KLHL15: variants seen among roughly 807,000 people sequenced by gnomAD.
KLHL15 encodes kelch-like protein 15.
A neutral mutation model predicts 29.3 loss-of-function variants in KLHL15; 1 was observed. The observed-to-expected ratio is 0.03, with a 90% CI of 0.01 to 0.16. The LOEUF is 0.16. KLHL15 is among the 10% of genes least tolerant of loss of function. The probability of loss-of-function intolerance (pLI) is 1.00; values close to 1 mark genes in which losing one functional copy is unlikely to be tolerated. For synonymous variants in KLHL15, 212 were observed against 184.5 expected, an observed-to-expected ratio of 1.15 and a Z score of -1.21; for missense variants, 215 against 478.5, an observed-to-expected ratio of 0.45 and a Z score of 5.14.
In KLHL15 at chrX:23,988,590, G is replaced by A. The variant is rs199733303; in HGVS notation, c.1146C>T (p.Tyr382=). The A allele has an allele frequency of 1.7e-5, 21 of 1,209,500 alleles. No homozygotes were observed. Among genetic ancestry groups the A allele is most frequent in the African/African-American group, 1.6e-4 (9 of 57,244 alleles). ...CATCTCTGGTTCTGCCTGCTACGGC[G>A]TAAATAAACTTCCCAATAACACCTA... ...FAVGVIGKFI[Y]AVAGRTRDET... The change falls in exon 4 of 4, where the codon TAC becomes TAT. Residue 382 remains tyrosine (Y), a synonymous_variant. Transcript: ENST00000328046.
chrX:24,007,101 G>T (rs73625201), intron 2 of KLHL15, among the ~76,000 whole-genome samples: 172 of 110,915 alleles, frequency 1.6e-3, no homozygotes, highest in African/African-American at 5.4e-3. Context: ...GGCTGAGGTG[G>T]GAGATTCCCT....
chrX:24,001,862 G>A (rs372015914), intron 3 of KLHL15, among the ~76,000 whole-genome samples: 19 of 105,158 alleles, frequency 1.8e-4, no homozygotes, highest in African/African-American at 6.2e-4. Context: ...GGTCGGGCGC[G>A]GTGGCTCACG....
intron 3 of KLHL15, among the ~76,000 whole-genome samples, 163 bp from the exon 4 acceptor site, chrX:23,989,193 C>CTT (rs780131307): frequency 6.9e-5 from 7 of 101,477 alleles, no homozygotes; most frequent in African/African-American, 1.8e-4. Context: ...TTTAAAAAAT[C>CTT]TTTTTTTTTT....
intron 1 of KLHL15, among the ~76,000 whole-genome samples, chrX:24,026,357 C>A (rs1929933756): frequency 8.9e-6 from 1 of 112,251 alleles, no homozygotes; most frequent in Non-Finnish European, 1.9e-5. Flanking sequence ...TTATAGAATT[C>A]TAGCTAGTAC....
intron 2 of KLHL15, among the ~76,000 whole-genome samples, chrX:24,008,895 A>AAC (rs1929515345): frequency 9.0e-6 from 1 of 110,576 alleles, no homozygotes; most frequent in African/African-American, 3.3e-5. Context: ...AAAACAAAAA[A>AAC]AAAACTTTTA....
chrX:24,024,659 C>T (rs1194776948), intron 2 of KLHL15, among the ~76,000 whole-genome samples, 198 bp downstream of exon 2: 1 of 113,264 alleles, frequency 8.8e-6, no homozygotes, highest in Non-Finnish European at 1.9e-5. Context: ...ATGCTTCTTC[C>T]TTTTTCTTTC....
Position 23,988,308 on chromosome X carries a change from G to A in KLHL15, c.1428C>T (p.Tyr476=), listed in dbSNP as rs752100343. 6.7e-5 allele frequency: 81 copies of A among 1,209,319 alleles called. No individual in the cohort carries two copies. Among genetic ancestry groups the A allele is most frequent in the Non-Finnish European group, 8.5e-5 (76 of 895,069 alleles). ...NCWENKSKMN[Y]ARCFHKMISY... ...AAATCATCTTGTGAAAGCATCTCGC[G>A]TAATTCATCTTGCTCTTATTCTCCC... is the stretch of plus-strand genomic sequence containing the variant. Residue 476 remains tyrosine (Y), a synonymous_variant, in exon 4 of 4, where the codon TAC becomes TAT. Coordinates refer to ENST00000328046, the MANE Select transcript of KLHL15 (RefSeq NM_030624.3).
Position 24,012,157 on chromosome X carries a change from A to G in KLHL15, c.-7-5457T>C, listed in dbSNP as rs1929588396. 2.7e-5 allele frequency among the ~76,000 whole-genome samples: 3 copies of G among 112,492 alleles called. No individual in the cohort carries two copies. The South Asian group carries it at 1.1e-3, about 41-fold the overall frequency. On this transcript the variant is annotated intron_variant, in intron 2 of 3. Coordinates refer to ENST00000328046, the MANE Select transcript of KLHL15 (RefSeq NM_030624.3). The stretch of plus-strand genomic sequence containing the variant: ...ATGACAGAGGAAGACCCTGTCTCAA[A>G]AAAATAAAAAATAAAAAATGGTAGA...
chrX:23,992,193 G>C (rs1424076299), intron 3 of KLHL15, among the ~76,000 whole-genome samples: 2 of 111,929 alleles, frequency 1.8e-5, no homozygotes, highest in Non-Finnish European at 3.8e-5. Flanking sequence ...TGGGCACATA[G>C]CTCAATATCT....
chrX:23,994,138 A>G (rs1222830080), intron 3 of KLHL15, among the ~76,000 whole-genome samples: 2 of 111,510 alleles, frequency 1.8e-5, no homozygotes, highest in African/African-American at 3.3e-5. Context: ...AGTTATTATC[A>G]CTATACTATT....
intron 2 of KLHL15, among the ~76,000 whole-genome samples, chrX:24,022,635 G>A (rs1384217698): frequency 1.3e-5 from 1 of 75,521 alleles, no homozygotes; most frequent in Non-Finnish European, 2.3e-5. Context: ...CAAGACTCTT[G>A]TCTTAAAAAA....
intron 2 of KLHL15, among the ~76,000 whole-genome samples, chrX:24,016,315 G>A (rs1929679701): frequency 1.2e-5 from 1 of 86,873 alleles, no homozygotes; most frequent in African/African-American, 4.8e-5. Context: ...ACTCCAGCCT[G>A]GGCGACAGAG....
chrX:24,007,508 A>AATATAT lies in KLHL15; in HGVS notation c.-7-814_-7-809dup, dbSNP rs759758947. Among the ~76,000 whole-genome samples the AATATAT allele has an allele frequency of 6.8e-3, 245 of 35,862 alleles. 1 individual carries two copies. Among genetic ancestry groups the AATATAT allele is most frequent in the African/African-American group, 0.026 (177 of 6,735 alleles). 31.1% of individuals were successfully genotyped at this position (35,862 alleles called of 115,157 possible). On this transcript the variant is annotated intron_variant, in intron 2 of 3. Coordinates refer to ENST00000328046, the MANE Select transcript of KLHL15 (RefSeq NM_030624.3). ...CCCATTTCCAAAAAAAAAAAAAAAA[A>AATATAT]ATATATATATATATATATATATATA...
intron 1 of KLHL15, among the ~76,000 whole-genome samples, chrX:24,025,814 A>T (rs747015264): frequency 1.2e-3 from 129 of 110,264 alleles, no homozygotes; most frequent in African/African-American, 3.6e-3. Flanking sequence ...CACCGAGGAA[A>T]ACAGGCGGCC....
At chrX:24,001,411 T>C (rs770385291) in intron 3 of KLHL15, among the ~76,000 whole-genome samples, 4 of 111,634 alleles carry the variant, frequency 3.6e-5, no homozygotes, top group Non-Finnish European at 7.5e-5. Context: ...TACCCTGGGT[T>C]CAAAAATATT....
At chrX:24,019,574 T>C (rs1416832495) in intron 2 of KLHL15, among the ~76,000 whole-genome samples, 2 of 109,873 alleles carry the variant, frequency 1.8e-5, no homozygotes, top group African/African-American at 6.6e-5. Context: ...TTTTTAAGAG[T>C]ACAAATAAGT....
intron 3 of KLHL15, among the ~76,000 whole-genome samples, chrX:23,990,815 C>T (rs1473131372): frequency 9.1e-6 from 1 of 110,161 alleles, no homozygotes. Context: ...TCCTATCTTT[C>T]TTTCTTTAGC....
intron 3 of KLHL15, among the ~76,000 whole-genome samples, chrX:23,997,432 C>T (rs1349992927): frequency 1.8e-5 from 2 of 109,872 alleles, no homozygotes; most frequent in African/African-American, 6.6e-5. Flanking sequence ...GGCAAAACCT[C>T]GTCTCTAAAA....
At chrX:23,998,382 G>A (rs1223889596) in intron 3 of KLHL15, among the ~76,000 whole-genome samples, 6 of 110,124 alleles carry the variant, frequency 5.4e-5, no homozygotes, top group African/African-American at 1.7e-4. Context: ...TCAGCCTCCC[G>A]AGTAGCTGGG....
Sources: allele counts gnomAD v4.1 joint callset (sites outside exome capture counted in the v4.1 genomes callset), GRCh38; gene constraint gnomAD v4.1.1; transcripts MANE v1.5; gene names NCBI Gene and HGNC (gene_info 2026-07-23, HGNC 2026-07-21).